The following VIPR1 variants were observed in gnomAD, a reference collection of about 807,000 sequenced individuals.
VIPR1 encodes vasoactive intestinal polypeptide receptor 1.
VIPR1 carries 59 observed loss-of-function variants against 58.8 expected under a neutral mutation model. That is an observed-to-expected ratio of 1.00 (90% confidence interval 0.81 to 1.25). The LOEUF is 1.25. Among genes scored for constraint, VIPR1 ranks in the 50% most tolerant of loss-of-function variants. The probability of loss-of-function intolerance (pLI) is 0.00; values close to 1 mark genes in which losing one functional copy is unlikely to be tolerated. For synonymous variants in VIPR1, 251 were observed against 242.1 expected, an observed-to-expected ratio of 1.04 and a Z score of -0.34; for missense variants, 626 against 602.7, an observed-to-expected ratio of 1.04 and a Z score of -0.40.
At chr3:42,517,954 C>T (rs1357786942) in intron 2 of VIPR1, among the ~76,000 whole-genome samples, 3 of 151,700 alleles carry the variant, frequency 2.0e-5, no homozygotes, top group Non-Finnish European at 4.4e-5. Context: ...CCAGCCTGGG[C>T]GACAGAGCAA....
chr3:42,535,950 G>C, intron 12 of VIPR1, 140 bp from the exon 13 acceptor site: 1 of 1,084,588 alleles, frequency 9.2e-7, no homozygotes, highest in Non-Finnish European at 1.3e-6. Flanking sequence ...TGCACCGCCC[G>C]AGGCAGCATA....
Position 42,536,937 on chromosome 3 carries a change from A to T in VIPR1, c.*656A>T, listed in dbSNP as rs1341983661. ...CTGGCCCCTGGGTCAGTCTGGTGGG[A>T]GGACGGTGCAACCCAAGGACTGAGG... On this transcript the variant is annotated 3_prime_UTR_variant, in exon 13 of 13. Transcript: ENST00000325123. 6.6e-6 allele frequency: 1 copy of T among 152,160 alleles called. No homozygotes were observed. The highest frequency in any genetic ancestry group is 2.4e-5 in the African/African-American group (1 of 41,422). 9.4% of individuals were successfully genotyped at this position (152,160 alleles called of 1,614,324 possible).
At chr3:42,517,532 C>T (rs1700693914) in intron 2 of VIPR1, among the ~76,000 whole-genome samples, 1 of 152,218 alleles carries the variant, frequency 6.6e-6, no homozygotes, top group African/African-American at 2.4e-5. Context: ...CTAGAGACCA[C>T]ACTGTGCATC....
chr3:42,489,857 T>C (rs1699635417), intron 1 of VIPR1, among the ~76,000 whole-genome samples: 1 of 152,112 alleles, frequency 6.6e-6, no homozygotes, highest in African/African-American at 2.4e-5. Flanking sequence ...TCAAATGTGG[T>C]CTTAGCTCCA....
chr3:42,503,094 TGTC>T (rs1474679312), intron 1 of VIPR1, among the ~76,000 whole-genome samples: 2 of 151,768 alleles, frequency 1.3e-5, no homozygotes, highest in African/African-American at 4.8e-5. Context: ...TTGCCTTCCT[TGTC>T]GTGGTTGTGG....
chr3:42,520,785 C>A lies in VIPR1; in HGVS notation c.292+1455C>A, dbSNP rs1700876926. Among the ~76,000 whole-genome samples the A allele has an allele frequency of 2.0e-5, 3 of 152,254 alleles. No homozygotes were observed. In the South Asian group the frequency reaches 6.2e-4, roughly 32 times the overall value. On this transcript the variant is annotated intron_variant, in intron 3 of 12. Coordinates refer to ENST00000325123, the MANE Select transcript of VIPR1 (RefSeq NM_004624.4). The stretch of plus-strand genomic sequence containing the variant: ...TTGTAAAGTGGGGATAGGTGGTAGA[C>A]CCCAGGGTCTCTTTGGGGTAAGCCA...
chr3:42,518,441 A>G (rs1700739526), intron 2 of VIPR1, among the ~76,000 whole-genome samples: 1 of 152,194 alleles, frequency 6.6e-6, no homozygotes, highest in African/African-American at 2.4e-5. Context: ...AACTTGTGCA[A>G]TAAACAGCTT....
chr3:42,523,085 C>CG (rs1701039384), intron 3 of VIPR1, among the ~76,000 whole-genome samples: 1 of 83,282 alleles, frequency 1.2e-5, no homozygotes, highest in South Asian at 3.7e-4. Flanking sequence ...CATGCCCTGA[C>CG]CCCGCCCCCA....
At chr3:42,528,155 A>G (rs1161693914) in intron 6 of VIPR1, 32 bp downstream of exon 6, 2 of 1,607,440 alleles carry the variant, frequency 1.2e-6, no homozygotes, top group Non-Finnish European at 8.5e-7. Context: ...CACCTCCCTC[A>G]GTCTCGCCGT....
intron 3 of VIPR1, among the ~76,000 whole-genome samples, chr3:42,525,170 G>A (rs995950823): frequency 6.6e-6 from 1 of 151,910 alleles, no homozygotes; most frequent in Non-Finnish European, 1.5e-5. Flanking sequence ...GCTGGAGAGT[G>A]GGGAGCCTCA....
intron 6 of VIPR1, chr3:42,530,134 T>G (rs1180132826): frequency 6.5e-6 from 1 of 153,302 alleles, no homozygotes; most frequent in African/African-American, 2.4e-5. Context: ...AAATTGGCAT[T>G]AGATGAATGA....
chr3:42,525,750 G>A, intron 3 of VIPR1, 137 bp from the exon 4 acceptor site: 3 of 882,676 alleles, frequency 3.4e-6, no homozygotes, highest in Non-Finnish European at 5.1e-6. Context: ...TGGGTAACTG[G>A]GTCAGGGCAG....
At chr3:42,505,812 C>T (rs1030200991) in intron 1 of VIPR1, among the ~76,000 whole-genome samples, 3 of 152,192 alleles carry the variant, frequency 2.0e-5, no homozygotes, top group Non-Finnish European at 2.9e-5. Flanking sequence ...TCGGGTTCCT[C>T]ACCACAAAAG....
chr3:42,508,128 G>C (rs1369105867), intron 1 of VIPR1: 1 of 152,238 alleles, frequency 6.6e-6, no homozygotes, highest in Non-Finnish European at 1.5e-5. Context: ...GCCTACCTGG[G>C]GTTATGCAAG....
At chr3:42,491,694 C>A (rs1699668116) in intron 1 of VIPR1, among the ~76,000 whole-genome samples, 1 of 152,182 alleles carries the variant, frequency 6.6e-6, no homozygotes, top group East Asian at 1.9e-4. Flanking sequence ...CCTGCTTCAG[C>A]CTCCCAAGTA....
intron 1 of VIPR1, among the ~76,000 whole-genome samples, chr3:42,503,188 G>A (rs757733927): frequency 2.6e-5 from 4 of 152,178 alleles, no homozygotes; most frequent in Non-Finnish European, 5.9e-5. Context: ...GTACACCGTA[G>A]GTGAGAGGGA....
chr3:42,513,520 T>G, intron 1 of VIPR1: 1 of 507,432 alleles, frequency 2.0e-6, no homozygotes, highest in East Asian at 3.3e-5. Flanking sequence ...GCAGCACTAA[T>G]GGGGGAGCCA....
intron 1 of VIPR1, among the ~76,000 whole-genome samples, chr3:42,505,681 T>G (rs1409925732): frequency 6.6e-6 from 1 of 152,224 alleles, no homozygotes; most frequent in East Asian, 1.9e-4. Context: ...AGACTATGCC[T>G]TCTCTGAGGT....
Position 42,517,702 on chromosome 3 carries a change from G to A in VIPR1, c.185-1521G>A, listed in dbSNP as rs1222361991. On this transcript the variant is annotated intron_variant, in intron 2 of 12. Coordinates refer to ENST00000325123, the MANE Select transcript of VIPR1 (RefSeq NM_004624.4). ...CAAGAACTAGGTGCGGGCTGGGCACGGTGGCTCATGCCTGTAATCCCAGCA... is the reference window on the plus strand; with the variant it reads ...CAAGAACTAGGTGCGGGCTGGGCACAGTGGCTCATGCCTGTAATCCCAGCA... Among the ~76,000 whole-genome samples, 9 of 152,302 alleles carry A rather than the reference G, an allele frequency of 5.9e-5. No individual in the cohort carries two copies. In the South Asian group the frequency reaches 1.2e-3, roughly 21 times the overall value.
Sources: allele counts gnomAD v4.1 joint callset (sites outside exome capture counted in the v4.1 genomes callset), GRCh38; gene constraint gnomAD v4.1.1; transcripts MANE v1.5; gene names NCBI Gene and HGNC (gene_info 2026-07-23, HGNC 2026-07-21).